RAD51B: variants seen among roughly 807,000 people sequenced by gnomAD.
The protein encoded by RAD51B is DNA repair protein RAD51 homolog 2.
In RAD51B, 38 loss-of-function variants were observed where a neutral mutation model predicts 42.2. The ratio of observed to expected loss-of-function variants is 0.90; its 90% CI spans 0.70 to 1.18. The LOEUF (loss-of-function observed/expected upper bound fraction) is 1.18. RAD51B is among the 50% of genes most tolerant of loss of function. RAD51B has a pLI of 0.00. For synonymous variants in RAD51B, 154 were observed against 145.2 expected, an observed-to-expected ratio of 1.06 and a Z score of -0.43; for missense variants, 373 against 400.7, an observed-to-expected ratio of 0.93 and a Z score of 0.59.
intron 10 of RAD51B, among the ~76,000 whole-genome samples, chr14:68,645,086 A>G (rs992630768): frequency 6.6e-6 from 1 of 152,176 alleles, no homozygotes; most frequent in Admixed American, 6.6e-5. Context: ...CATCACCACC[A>G]TCCATCACTA....
intron 7 of RAD51B, among the ~76,000 whole-genome samples, chr14:67,917,319 CAG>C (rs1309047319): frequency 6.6e-6 from 1 of 152,176 alleles, no homozygotes; most frequent in Non-Finnish European, 1.5e-5. Context: ...GCGGAGGCCT[CAG>C]GGGAGCTTTT....
At chr14:68,391,625 A>C (rs1489707915) in intron 8 of RAD51B, among the ~76,000 whole-genome samples, 2 of 141,642 alleles carry the variant, frequency 1.4e-5, no homozygotes, top group Non-Finnish European at 3.1e-5. Flanking sequence ...GGAGATAAAT[A>C]ATAACATTAT....
chr14:68,590,899 G>T (rs1440523684), intron 10 of RAD51B, among the ~76,000 whole-genome samples: 1 of 152,132 alleles, frequency 6.6e-6, no homozygotes, highest in African/African-American at 2.4e-5. Context: ...CCCTCACCAT[G>T]GAGGGGCCTT....
chr14:68,243,980 T>C (rs2080442891), intron 7 of RAD51B, among the ~76,000 whole-genome samples: 2 of 152,230 alleles, frequency 1.3e-5, no homozygotes, highest in African/African-American at 4.8e-5. Context: ...GTTAAACTGA[T>C]GTCTTTTCGT....
chr14:67,963,767 G>A (rs891595424), intron 7 of RAD51B, among the ~76,000 whole-genome samples: 1 of 151,958 alleles, frequency 6.6e-6, no homozygotes, highest in African/African-American at 2.4e-5. Context: ...TTTCAAAGCT[G>A]TACAGATTAG....
rs923340209 is a variant in RAD51B at position 67,924,797 on chromosome 14, A to C, written c.756+37593A>C. ...GGAGCCTCCCAAATCTCATATCCTC[A>C]CATTTCAAAACCAATCATGCCTTCC... On this transcript the variant is annotated intron_variant, in intron 7 of 10. Coordinates refer to ENST00000471583, the MANE Select transcript of RAD51B (RefSeq NM_133510.4). 3.9e-5 allele frequency among the ~76,000 whole-genome samples: 6 copies of C among 152,174 alleles called. No individual in the cohort carries two copies. In the South Asian group the frequency reaches 1.0e-3, roughly 26 times the overall value.
intron 7 of RAD51B, among the ~76,000 whole-genome samples, chr14:68,228,915 A>T (rs936205089): frequency 1.3e-5 from 2 of 152,234 alleles, no homozygotes; most frequent in Non-Finnish European, 2.9e-5. Context: ...TGAACATGGG[A>T]ATACAGTCTG....
At chr14:67,867,084 A>C (rs1490652213) in intron 5 of RAD51B, among the ~76,000 whole-genome samples, 1 of 152,106 alleles carries the variant, frequency 6.6e-6, no homozygotes, top group Non-Finnish European at 1.5e-5. Context: ...AAGTAGAATA[A>C]AAAATATGAA....
chr14:68,425,297 C>T (rs375754211), intron 9 of RAD51B, among the ~76,000 whole-genome samples: 5 of 152,114 alleles, frequency 3.3e-5, no homozygotes, highest in Non-Finnish European at 7.4e-5. Flanking sequence ...GTATATGCTG[C>T]GGTTTGAATG....
At chr14:68,540,697 A>G (rs1887917207) in intron 10 of RAD51B, 1 of 985,328 alleles carries the variant, frequency 1.0e-6, no homozygotes, top group Admixed American at 6.1e-5. Context: ...GAATCTCTCT[A>G]GCCAACCAAA....
At chr14:68,379,072 C>T (rs2083428571) in intron 8 of RAD51B, among the ~76,000 whole-genome samples, 1 of 152,042 alleles carries the variant, frequency 6.6e-6, no homozygotes, top group Admixed American at 6.6e-5. Flanking sequence ...GTTACTTGTT[C>T]CGGGAAATAA....
At position 68,633,409 on chromosome 14, in the gene RAD51B, C is replaced by T. The variant is rs918483598; in HGVS notation, c.1037-17372C>T. On this transcript the variant is annotated intron_variant, in intron 10 of 11. Transcript: ENST00000488612. Reference sequence around the variant, plus strand: ...TTCAAGCAGGAGAATACGCCTTCCCCCAAACGGCTGGCTCCCCCACTGCAT... The same window carrying T: ...TTCAAGCAGGAGAATACGCCTTCCCTCAAACGGCTGGCTCCCCCACTGCAT... 3.3e-5 allele frequency among the ~76,000 whole-genome samples: 5 copies of T among 152,186 alleles called. No homozygotes were observed. In the East Asian group the frequency reaches 5.8e-4, roughly 18 times the overall value.
intron 10 of RAD51B, among the ~76,000 whole-genome samples, chr14:68,551,909 G>T (rs1888594364): frequency 6.6e-6 from 1 of 152,096 alleles, no homozygotes; most frequent in Non-Finnish European, 1.5e-5. Context: ...TCCCCTCTAG[G>T]ACTTGCATTT....
chr14:67,852,145 A>G (rs986524167), intron 4 of RAD51B, among the ~76,000 whole-genome samples: 1 of 152,218 alleles, frequency 6.6e-6, no homozygotes, highest in African/African-American at 2.4e-5. Context: ...CCAGTGAAAT[A>G]CAGAGCCAGA....
intron 7 of RAD51B, among the ~76,000 whole-genome samples, chr14:68,233,332 G>A (rs1195428721): frequency 6.6e-6 from 1 of 152,106 alleles, no homozygotes; most frequent in East Asian, 1.9e-4. Context: ...GTCAGTTCTG[G>A]TTGTCTGAGC....
chr14:67,907,800 G>C (rs1348344254), intron 7 of RAD51B, among the ~76,000 whole-genome samples: 1 of 152,100 alleles, frequency 6.6e-6, no homozygotes, highest in Non-Finnish European at 1.5e-5. Flanking sequence ...ATATATTGAG[G>C]TGGTCATCTT....
intron 7 of RAD51B, among the ~76,000 whole-genome samples, chr14:68,180,741 G>A (rs2079047168): frequency 6.6e-6 from 1 of 152,208 alleles, no homozygotes; most frequent in African/African-American, 2.4e-5. Context: ...TGTATAGAAT[G>A]CACTGATTAG....
At chr14:68,579,414 G>C (rs1023930028) in intron 10 of RAD51B, among the ~76,000 whole-genome samples, 29 of 152,208 alleles carry the variant, frequency 1.9e-4, no homozygotes, top group African/African-American at 6.8e-4. Flanking sequence ...AGCAGCCTGA[G>C]CTTCTCTTTG....
At chr14:67,821,784 C>CT (rs912559405) in intron 1 of RAD51B, among the ~76,000 whole-genome samples, 27 of 148,436 alleles carry the variant, frequency 1.8e-4, no homozygotes, top group Middle Eastern at 3.5e-3. Context: ...CTTTCTCCTT[C>CT]TTTTTTTTTT....
Sources: allele counts gnomAD v4.1 joint callset (sites outside exome capture counted in the v4.1 genomes callset), GRCh38; gene constraint gnomAD v4.1.1; transcripts MANE v1.5; gene names NCBI Gene and HGNC (gene_info 2026-07-23, HGNC 2026-07-21).